Variants in L3MBTL4 observed in about 807,000 individuals in gnomAD.
L3MBTL4 encodes L3MBTL histone methyl-lysine binding protein 4.
In L3MBTL4, 70 loss-of-function variants were observed where a neutral mutation model predicts 84.5. The ratio of observed to expected loss-of-function variants is 0.83; its 90% CI spans 0.68 to 1.01. L3MBTL4 has a LOEUF of 1.01. L3MBTL4 is among the 50% of genes least tolerant of loss of function. The probability of loss-of-function intolerance (pLI) is 0.00; values close to 1 mark genes in which losing one functional copy is unlikely to be tolerated. For synonymous variants in L3MBTL4, 274 were observed against 259.8 expected (o/e 1.05, Z -0.52); for missense variants, 715 against 754.8 (o/e 0.95, Z 0.62).
At chr18:6,387,037 T>C (rs938984085) in intron 1 of L3MBTL4, among the ~76,000 whole-genome samples, 1 of 152,070 alleles carries the variant, frequency 6.6e-6, no homozygotes, top group Non-Finnish European at 1.5e-5. Flanking sequence ...AGAATCCAGA[T>C]ACATTTCGAA....
intron 12 of L3MBTL4, among the ~76,000 whole-genome samples, chr18:6,206,560 G>A (rs956121002): frequency 2.0e-5 from 3 of 152,094 alleles, no homozygotes; most frequent in African/African-American, 4.8e-5. Flanking sequence ...ACATGTTTCC[G>A]TAGTGCTGCT....
chr18:6,118,505 C>A (rs998099981), intron 14 of L3MBTL4, among the ~76,000 whole-genome samples: 5 of 152,134 alleles, frequency 3.3e-5, no homozygotes, highest in African/African-American at 1.2e-4. Context: ...TTATACCTAG[C>A]ACAGTGCTGG....
At chr18:6,181,186 T>C (rs1279308074) in intron 12 of L3MBTL4, among the ~76,000 whole-genome samples, 1 of 152,136 alleles carries the variant, frequency 6.6e-6, no homozygotes, top group African/African-American at 2.4e-5. Flanking sequence ...TTACATTCTT[T>C]TTTAAAAACT....
In L3MBTL4 at chr18:6,259,137, T is replaced by C. The variant is rs182191677; in HGVS notation, c.219+4810A>G. 1.8e-3 allele frequency: 278 copies of C among 151,900 alleles called. 1 individual carries two copies. The highest frequency in any genetic ancestry group is 6.5e-3 in the African/African-American group (267 of 41,374). The allele number at this position is 151,900 out of a possible 1,614,324, so 9.4% of individuals were successfully genotyped here. ...ATGACGTGTTGAGCTCTTGGGAAAA[T>C]TGCATAATTTGTTTTACCACAGGCA... On this transcript the variant is annotated intron_variant, in intron 5 of 18. Coordinates refer to ENST00000317931, the MANE Select transcript of L3MBTL4 (RefSeq NM_001330559.2).
intron 5 of L3MBTL4, among the ~76,000 whole-genome samples, chr18:6,245,629 A>T (rs1381429603): frequency 2.1e-5 from 3 of 140,780 alleles, no homozygotes; most frequent in Non-Finnish European, 4.5e-5. Flanking sequence ...TCACTCTGTC[A>T]CCCAGACTGC....
chr18:6,413,923 T>G (rs1214382155), intron 1 of L3MBTL4: 8 of 152,248 alleles, frequency 5.3e-5, no homozygotes, highest in African/African-American at 1.9e-4. Context: ...CTTTAACCAG[T>G]GACTAAGGGA....
At chr18:6,378,247 C>A (rs1174656799) in intron 1 of L3MBTL4, among the ~76,000 whole-genome samples, 7 of 151,888 alleles carry the variant, frequency 4.6e-5, no homozygotes, top group African/African-American at 7.2e-5. Flanking sequence ...GATTGCAAAA[C>A]TTTTCTCCCA....
chr18:6,349,129 A>G (rs139234026), intron 1 of L3MBTL4, among the ~76,000 whole-genome samples: 4 of 152,294 alleles, frequency 2.6e-5, no homozygotes, highest in African/African-American at 9.6e-5. Context: ...ACTTCAGAAA[A>G]CCATTTGGAA....
chr18:5,974,446 C>A (rs1241327835), intron 16 of L3MBTL4, among the ~76,000 whole-genome samples: 1 of 151,804 alleles, frequency 6.6e-6, no homozygotes, highest in African/African-American at 2.4e-5. Context: ...ACACTGGAAC[C>A]TGGTTGATTC....
At chr18:6,355,391 T>G (rs770285655) in intron 1 of L3MBTL4, among the ~76,000 whole-genome samples, 49 of 152,196 alleles carry the variant, frequency 3.2e-4, no homozygotes, top group Admixed American at 1.4e-3. Flanking sequence ...CTGTAATGTT[T>G]TCAATAATAC....
chr18:6,059,113 G>A (rs1251328193), intron 16 of L3MBTL4, among the ~76,000 whole-genome samples: 1 of 152,194 alleles, frequency 6.6e-6, no homozygotes, highest in East Asian at 1.9e-4. Context: ...ATCTAGTCTG[G>A]AGTGATGTGG....
At chr18:6,101,070 T>C (rs987285579) in intron 14 of L3MBTL4, among the ~76,000 whole-genome samples, 1 of 152,198 alleles carries the variant, frequency 6.6e-6, no homozygotes, top group African/African-American at 2.4e-5. Flanking sequence ...TCCTGGGGTG[T>C]TTGGTCAGAG....
chr18:5,968,481 T>G (rs1362226666), intron 17 of L3MBTL4, among the ~76,000 whole-genome samples: 1 of 151,996 alleles, frequency 6.6e-6, no homozygotes, highest in Non-Finnish European at 1.5e-5. Context: ...GAGAACCGCT[T>G]GAGGCCAGGA....
Position 5,988,389 on chromosome 18 carries a change from G to A in L3MBTL4, c.1445-18827C>T, listed in dbSNP as rs1202562360. Reference sequence around the variant, plus strand: ...GGAGGGGCCCTGTATGATATATTCAGATCTTGCTCATCTCTTCCAAATCTT... The same window carrying A: ...GGAGGGGCCCTGTATGATATATTCAAATCTTGCTCATCTCTTCCAAATCTT... On this transcript the variant is annotated intron_variant, in intron 16 of 18. Coordinates refer to ENST00000317931, the MANE Select transcript of L3MBTL4 (RefSeq NM_001330559.2). Among the ~76,000 whole-genome samples the A allele has an allele frequency of 2.6e-5, 4 of 152,142 alleles. No homozygotes were observed. In the East Asian group the frequency reaches 7.7e-4, roughly 29 times the overall value.
At chr18:6,053,091 T>G (rs2056892819) in intron 16 of L3MBTL4, among the ~76,000 whole-genome samples, 1 of 152,128 alleles carries the variant, frequency 6.6e-6, no homozygotes, top group African/African-American at 2.4e-5. Flanking sequence ...GTAGAAGGAG[T>G]GTCATGCATT....
chr18:6,170,191 C>A (rs1193658210), intron 13 of L3MBTL4, among the ~76,000 whole-genome samples: 1 of 152,198 alleles, frequency 6.6e-6, no homozygotes, highest in African/African-American at 2.4e-5. Context: ...CCAGTTTTCT[C>A]ATTTTTAACC....
At chr18:5,993,567 G>A (rs533927555) in intron 16 of L3MBTL4, among the ~76,000 whole-genome samples, 4 of 152,102 alleles carry the variant, frequency 2.6e-5, no homozygotes, top group African/African-American at 7.2e-5. Flanking sequence ...ATTATTTTAG[G>A]ATTAGGCATA....
chr18:6,318,040 G>A (rs1295158226), intron 1 of L3MBTL4, among the ~76,000 whole-genome samples: 1 of 152,060 alleles, frequency 6.6e-6, no homozygotes. Context: ...GTCATTTTCA[G>A]ACAAACAAAT....
chr18:6,026,060 G>A (rs774312280), intron 16 of L3MBTL4, among the ~76,000 whole-genome samples: 17 of 152,230 alleles, frequency 1.1e-4, no homozygotes, highest in African/African-American at 4.1e-4. Context: ...CAAAAACTCA[G>A]TAAATTGGCA....
Sources: allele counts gnomAD v4.1 joint callset (sites outside exome capture counted in the v4.1 genomes callset), GRCh38; gene constraint gnomAD v4.1.1; transcripts MANE v1.5; gene names NCBI Gene and HGNC (gene_info 2026-07-23, HGNC 2026-07-21).